GGNBP2: variants seen among roughly 807,000 people sequenced by gnomAD.
The protein encoded by GGNBP2 is gametogenetin binding protein 2, also known as gametogenetin-binding protein 2.
Under a neutral mutation model 85.9 loss-of-function variants are expected in GGNBP2, and 10 were observed. The observed-to-expected ratio is 0.12, with a 90% confidence interval of 0.07 to 0.20. The LOEUF (loss-of-function observed/expected upper bound fraction) is 0.20. GGNBP2 is among the 10% of genes least tolerant of loss of function. The pLI is 1.00. For synonymous variants in GGNBP2, 287 were observed against 285.7 expected (o/e 1.00, Z -0.05); for missense variants, 595 against 857.8 (o/e 0.69, Z 3.83).
chr17:36,565,108 G>GT (rs1399525231), intron 5 of GGNBP2, among the ~76,000 whole-genome samples: 7 of 152,198 alleles, frequency 4.6e-5, no homozygotes, highest in Non-Finnish European at 1.0e-4. Context: ...AAGCCAAGGT[G>GT]TAAAAGCGTT....
At chr17:36,587,654 C>T (rs2074715989) in intron 13 of GGNBP2, 2 of 184,742 alleles carry the variant, frequency 1.1e-5, no homozygotes, top group African/African-American at 2.3e-5. Flanking sequence ...TTTGGGAGAC[C>T]GAGGTGGGTG....
At chr17:36,584,668 A>G (rs2074682896) in intron 9 of GGNBP2, among the ~76,000 whole-genome samples, 1 of 152,184 alleles carries the variant, frequency 6.6e-6, no homozygotes, top group Non-Finnish European at 1.5e-5. Context: ...ATTTCTGTTG[A>G]CAGGGCGTGG....
chr17:36,566,735 C>T (rs893329356), intron 5 of GGNBP2, among the ~76,000 whole-genome samples: 2 of 151,698 alleles, frequency 1.3e-5, no homozygotes, highest in African/African-American at 2.4e-5. Context: ...ATAAAGTGTT[C>T]GTCTTAGTGT....
chr17:36,556,431 C>T (rs1185053769), intron 3 of GGNBP2, among the ~76,000 whole-genome samples: 9 of 152,146 alleles, frequency 5.9e-5, no homozygotes, highest in African/African-American at 1.4e-4. Flanking sequence ...ACAGGCCAGG[C>T]GTGGTGGCTC....
chr17:36,578,951 T>C (rs2142768920), intron 7 of GGNBP2: 1 of 270,674 alleles, frequency 3.7e-6, no homozygotes, highest in Non-Finnish European at 7.0e-6. Flanking sequence ...TTGTGTCTAC[T>C]ATGAGCTGGA....
At chr17:36,557,051 G>T in intron 3 of GGNBP2, 32 bp from the exon 4 acceptor site, 6 of 1,611,968 alleles carry the variant, frequency 3.7e-6, no homozygotes, top group Non-Finnish European at 5.1e-6. Flanking sequence ...TCTTTTTAAA[G>T]GACACTCTTT....
chr17:36,584,478 C>T (rs1196095441), intron 9 of GGNBP2, among the ~76,000 whole-genome samples: 2 of 152,182 alleles, frequency 1.3e-5, no homozygotes, highest in African/African-American at 4.8e-5. Context: ...GCTGGGATTA[C>T]ATGCGCCTGC....
At chr17:36,582,939 CTAAA>C (rs2074665251) in intron 9 of GGNBP2, among the ~76,000 whole-genome samples, 1 of 152,022 alleles carries the variant, frequency 6.6e-6, no homozygotes, top group South Asian at 2.1e-4. Flanking sequence ...ATAATGTTAA[CTAAA>C]TATTTTTTCA....
At chr17:36,547,035 A>T (rs2074261973) in intron 2 of GGNBP2, 1 of 152,240 alleles carries the variant, frequency 6.6e-6, no homozygotes, top group African/African-American at 2.4e-5. Context: ...ATTTCTAATT[A>T]TTCAAGTGCA....
chr17:36,576,617 G>GTA (rs2074590765), intron 6 of GGNBP2: 97 of 122,422 alleles, frequency 7.9e-4, no homozygotes, highest in African/African-American at 3.2e-3. Flanking sequence ...GTGTGTGTGT[G>GTA]TGTGTGTGTG....
intron 6 of GGNBP2, chr17:36,574,748 G>T: frequency 3.2e-6 from 2 of 627,362 alleles, no homozygotes; most frequent in East Asian, 2.8e-5. Context: ...GCCTCTGGGC[G>T]TAGGGATGAG....
chr17:36,575,175 C>T lies in GGNBP2; in HGVS notation c.642-2808C>T, dbSNP rs534497730. ...GTGATAGGCATCCACTCTTTATCCT[C>T]GGCCTTGCCTCCATGAGCTCTGCGG... is the stretch of plus-strand genomic sequence containing the variant. On this transcript the variant is annotated intron_variant, in intron 6 of 13. Transcript: ENST00000613102. 124 of 652,630 alleles carry T rather than the reference C, an allele frequency of 1.9e-4. 1 individual carries two copies. Among genetic ancestry groups the T allele is most frequent in the East Asian group, 1.4e-4 (5 of 36,572 alleles). The allele number at this position is 652,630 out of a possible 1,614,324, so 40.4% of individuals were successfully genotyped here.
intron 6 of GGNBP2, chr17:36,575,129 T>C (rs2074563546): frequency 8.2e-6 from 6 of 729,966 alleles, no homozygotes; most frequent in Admixed American, 5.9e-5. Flanking sequence ...CTTCATGTGC[T>C]TGACCAGGCG....
chr17:36,589,499 T>C lies in GGNBP2; in HGVS notation c.*88T>C, dbSNP rs576808690. The C allele has an allele frequency of 2.2e-5, 21 of 941,910 alleles. No individual in the cohort carries two copies. Among genetic ancestry groups the C allele is most frequent in the Middle Eastern group, 2.2e-4 (1 of 4,624 alleles). The allele number at this position is 941,910 out of a possible 1,614,324, so 58.3% of individuals were successfully genotyped here. ...GAAAAACTCTTAATTTAGTGACTTA[T>C]GGCAAAATTTTATCTTAAATCAATG... On this transcript the variant is annotated 3_prime_UTR_variant, in exon 14 of 14. Transcript: ENST00000613102.
chr17:36,548,635 A>G (rs1213341428), intron 2 of GGNBP2, among the ~76,000 whole-genome samples: 1 of 135,610 alleles, frequency 7.4e-6, no homozygotes, highest in Non-Finnish European at 1.7e-5. Context: ...AAAAAAAAAA[A>G]AAAAAAAAAA....
intron 2 of GGNBP2, 72 bp downstream of exon 2, chr17:36,545,889 C>A: frequency 1.9e-6 from 2 of 1,079,338 alleles, no homozygotes; most frequent in Non-Finnish European, 2.7e-6. Context: ...CTCCCCCAGG[C>A]CGAGCGCTGC....
intron 6 of GGNBP2, chr17:36,576,625 G>GTA (rs1567830481): frequency 1.8e-5 from 2 of 111,806 alleles, no homozygotes; most frequent in Admixed American, 9.8e-5. Context: ...GTGTGTGTGT[G>GTA]TGTGTATATG....
chr17:36,547,524 AT>A (rs2074266803), intron 2 of GGNBP2: 1 of 152,270 alleles, frequency 6.6e-6, no homozygotes, highest in Admixed American at 6.5e-5. Flanking sequence ...CAGCACATTA[AT>A]ACATCTGTCA....
At chr17:36,549,087 G>A (rs1347946015) in intron 2 of GGNBP2, among the ~76,000 whole-genome samples, 1 of 152,160 alleles carries the variant, frequency 6.6e-6, no homozygotes, top group African/African-American at 2.4e-5. Context: ...ATAAGTTGGT[G>A]GAATGGTGAA....
Sources: gnomAD v4.1 joint callset for allele counts (sites outside exome capture counted in the v4.1 genomes callset) on GRCh38, gnomAD v4.1.1 for gene constraint, MANE v1.5 for transcripts, NCBI Gene and HGNC (gene_info 2026-07-23, HGNC 2026-07-21) for gene names.